CACNA2D3: variants seen among roughly 807,000 people sequenced by gnomAD.
CACNA2D3 encodes the protein calcium voltage-gated channel auxiliary subunit alpha2delta 3.
In CACNA2D3, 60 loss-of-function variants were observed where a neutral mutation model predicts 160.6. The observed-to-expected ratio is 0.37, with a 90% confidence interval of 0.30 to 0.46. The LOEUF (loss-of-function observed/expected upper bound fraction) is 0.46, where lower values mean the gene tolerates loss of function less well. Ranked by LOEUF, CACNA2D3 falls within the 20% of genes least tolerant of loss-of-function variation. The pLI, the probability that CACNA2D3 is intolerant of heterozygous loss-of-function variation, is 1.00. For synonymous variants in CACNA2D3, 558 were observed against 492.9 expected (o/e 1.13, Z -1.75); for missense variants, 1,205 against 1,365.0 (o/e 0.88, Z 1.85).
intron 14 of CACNA2D3, among the ~76,000 whole-genome samples, chr3:54,822,197 G>A (rs1309893290): frequency 6.6e-6 from 1 of 152,160 alleles, no homozygotes; most frequent in African/African-American, 2.4e-5. Context: ...AGCCGGGGGT[G>A]TTAAGATTGA....
chr3:54,468,696 T>C (rs1007926625), intron 4 of CACNA2D3, among the ~76,000 whole-genome samples: 1 of 152,188 alleles, frequency 6.6e-6, no homozygotes, highest in African/African-American at 2.4e-5. Flanking sequence ...TTCTTGCTGC[T>C]AGCACAGCAG....
chr3:54,327,948 G>T (rs892053808), intron 3 of CACNA2D3, among the ~76,000 whole-genome samples: 2 of 152,194 alleles, frequency 1.3e-5, no homozygotes, highest in African/African-American at 2.4e-5. Context: ...TTTCATGACT[G>T]CTTTCTGGAT....
At chr3:54,416,353 C>T (rs893666882) in intron 4 of CACNA2D3, among the ~76,000 whole-genome samples, 2 of 152,038 alleles carry the variant, frequency 1.3e-5, no homozygotes, top group East Asian at 3.9e-4. Flanking sequence ...TTTTGGAGCC[C>T]CCAATAGGAT....
At chr3:54,243,077 A>G (rs527983599) in intron 2 of CACNA2D3, among the ~76,000 whole-genome samples, 33 of 152,298 alleles carry the variant, frequency 2.2e-4, no homozygotes, top group South Asian at 1.5e-3. Flanking sequence ...CTCAATTGCA[A>G]TTTCAGATCA....
intron 10 of CACNA2D3, among the ~76,000 whole-genome samples, chr3:54,634,752 A>C (rs1442772425): frequency 6.6e-6 from 1 of 152,138 alleles, no homozygotes; most frequent in African/African-American, 2.4e-5. Context: ...TTCACAAGGT[A>C]ATGTCATCAG....
chr3:54,809,036 G>A (rs529204737), intron 13 of CACNA2D3, among the ~76,000 whole-genome samples: 1 of 152,220 alleles, frequency 6.6e-6, no homozygotes, highest in African/African-American at 2.4e-5. Context: ...ATGAAATAAT[G>A]TTATTACTAC....
chr3:54,973,085 G>T (rs1030515483), intron 29 of CACNA2D3, among the ~76,000 whole-genome samples: 15 of 152,088 alleles, frequency 9.9e-5, no homozygotes, highest in African/African-American at 2.7e-4. Flanking sequence ...CTCTGAGGGG[G>T]TAACATTTAA....
intron 18 of CACNA2D3, chr3:54,875,786 A>G (rs1337455726): frequency 6.6e-6 from 1 of 152,256 alleles, no homozygotes; most frequent in Non-Finnish European, 1.5e-5. Context: ...CCCAGGGGAA[A>G]GGGTGGTTCC....
Position 54,853,864 on chromosome 3 carries a change from A to G in CACNA2D3, c.1626+7397A>G, listed in dbSNP as rs565458704. Among the ~76,000 whole-genome samples the G allele has an allele frequency of 8.8e-4, 133 of 151,910 alleles. 2 individuals are homozygous for G. In the South Asian group the frequency reaches 0.01, roughly 12 times the overall value. ...CCATGCATTCTGCCGGCCACAGCCTATGGGGGTGGGGGGATGGGGAGTTGG... is the reference window on the plus strand; with the variant it reads ...CCATGCATTCTGCCGGCCACAGCCTGTGGGGGTGGGGGGATGGGGAGTTGG... On this transcript the variant is annotated intron_variant, in intron 17 of 37. Coordinates refer to ENST00000474759, the MANE Select transcript of CACNA2D3 (RefSeq NM_018398.3).
chr3:54,572,196 ACT>A (rs1415164901), intron 8 of CACNA2D3, among the ~76,000 whole-genome samples: 1 of 152,050 alleles, frequency 6.6e-6, no homozygotes, highest in Non-Finnish European at 1.5e-5. Context: ...TTCTGATCAG[ACT>A]CTCAGAACAA....
At chr3:54,777,982 T>G (rs1702455441) in intron 13 of CACNA2D3, among the ~76,000 whole-genome samples, 1 of 152,230 alleles carries the variant, frequency 6.6e-6, no homozygotes, top group Admixed American at 6.5e-5. Context: ...CACTGCTGGC[T>G]TAAGTAGGAT....
chr3:54,943,523 C>G (rs1349416045), intron 27 of CACNA2D3, among the ~76,000 whole-genome samples: 1 of 152,148 alleles, frequency 6.6e-6, no homozygotes, highest in Non-Finnish European at 1.5e-5. Context: ...TTAGGACAAT[C>G]TATGTACATT....
intron 2 of CACNA2D3, among the ~76,000 whole-genome samples, chr3:54,298,228 C>T (rs778570443): frequency 2.0e-5 from 3 of 152,046 alleles, no homozygotes; most frequent in Non-Finnish European, 2.9e-5. Flanking sequence ...AAAGACGGAC[C>T]TCTACACGAA....
intron 2 of CACNA2D3, among the ~76,000 whole-genome samples, chr3:54,210,287 A>G (rs1418144283): frequency 6.6e-6 from 1 of 152,160 alleles, no homozygotes; most frequent in Non-Finnish European, 1.5e-5. Flanking sequence ...GTTTGGGAAC[A>G]ATGAGGTGAC....
At chr3:54,340,025 T>A (rs903458528) in intron 3 of CACNA2D3, among the ~76,000 whole-genome samples, 1 of 152,236 alleles carries the variant, frequency 6.6e-6, no homozygotes, top group African/African-American at 2.4e-5. Flanking sequence ...AGTGGTTATC[T>A]CACTTTTCAG....
intron 13 of CACNA2D3, among the ~76,000 whole-genome samples, chr3:54,794,637 A>G (rs568873465): frequency 8.6e-4 from 122 of 141,496 alleles, no homozygotes; most frequent in Admixed American, 1.5e-3. Flanking sequence ...AAGCATTTCT[A>G]CTTTGCCTTC....
chr3:54,703,132 G>A (rs747084688), intron 11 of CACNA2D3, among the ~76,000 whole-genome samples: 5 of 152,044 alleles, frequency 3.3e-5, no homozygotes, highest in Non-Finnish European at 7.3e-5. Flanking sequence ...CTGGTATTGT[G>A]CTCACTACTT....
At chr3:54,487,724 A>G (rs1342509882) in intron 4 of CACNA2D3, among the ~76,000 whole-genome samples, 2 of 152,256 alleles carry the variant, frequency 1.3e-5, no homozygotes, top group African/African-American at 4.8e-5. Context: ...AAATAGGGGC[A>G]TGGGCCTGTT....
chr3:54,562,952 A>AG, intron 6 of CACNA2D3, 21 bp downstream of exon 6: 1 of 1,609,184 alleles, frequency 6.2e-7, no homozygotes, highest in Non-Finnish European at 8.5e-7. Context: ...CTGCATTGAC[A>AG]GTTATGACTC....
Sources: gnomAD v4.1 joint callset for allele counts (sites outside exome capture counted in the v4.1 genomes callset) on GRCh38, gnomAD v4.1.1 for gene constraint, MANE v1.5 for transcripts, NCBI Gene and HGNC (gene_info 2026-07-23, HGNC 2026-07-21) for gene names.